RPGRIP1L: variants seen among roughly 807,000 people sequenced by gnomAD.
RPGRIP1L encodes the protein RPGRIP1 like, also known as protein fantom.
In RPGRIP1L, 131 loss-of-function variants were observed where a neutral mutation model predicts 160.4. The observed-to-expected ratio is 0.82, with a 90% CI of 0.71 to 0.94. RPGRIP1L has a LOEUF of 0.94. RPGRIP1L is among the 40% of genes least tolerant of loss of function. The probability of loss-of-function intolerance (pLI) is 0.00; values close to 1 mark genes in which losing one functional copy is unlikely to be tolerated. For missense variants in RPGRIP1L, 1,522 were observed against 1,535.8 expected (o/e 0.99, Z 0.15); for synonymous variants, 510 against 515.8 (o/e 0.99, Z 0.15).
intron 3 of RPGRIP1L, chr16:53,695,940 A>T: frequency 2.0e-6 from 1 of 510,542 alleles, no homozygotes; most frequent in Non-Finnish European, 3.5e-6. Flanking sequence ...TTTTCATTTA[A>T]ATAGCAAATT....
At chr16:53,665,072 G>C in intron 9 of RPGRIP1L, 63 bp from the exon 10 acceptor site, 1 of 1,600,212 alleles carries the variant, frequency 6.2e-7, no homozygotes, top group East Asian at 2.2e-5. Context: ...AAATAATAAA[G>C]AGAAAAGCTT....
At chr16:53,640,099 C>T (rs1966108451) in intron 19 of RPGRIP1L, among the ~76,000 whole-genome samples, 1 of 152,124 alleles carries the variant, frequency 6.6e-6, no homozygotes, top group Non-Finnish European at 1.5e-5. Flanking sequence ...GTACAGCTGA[C>T]ACCTTTTGTG....
chr16:53,653,422 A>G (rs1966965282), intron 14 of RPGRIP1L: 1 of 806,104 alleles, frequency 1.2e-6, no homozygotes, highest in Non-Finnish European at 1.5e-6. Context: ...GGTGATGGAT[A>G]AGTTTATTAT....
At chr16:53,683,570 G>A (rs151010729) in intron 6 of RPGRIP1L, among the ~76,000 whole-genome samples, 2,585 of 151,598 alleles carry the variant, frequency 0.017, 46 homozygotes, top group Middle Eastern at 0.058. Context: ...GGGATAATTC[G>A]AAAAATAAAT....
intron 22 of RPGRIP1L, among the ~76,000 whole-genome samples, chr16:53,622,631 G>C (rs781431434): frequency 1.3e-5 from 2 of 150,560 alleles, no homozygotes; most frequent in Admixed American, 1.3e-4. Flanking sequence ...CCTAAATATC[G>C]CCACAATTGG....
chr16:53,650,249 C>T (rs942565078), intron 15 of RPGRIP1L, among the ~76,000 whole-genome samples: 1 of 152,110 alleles, frequency 6.6e-6, no homozygotes, highest in Non-Finnish European at 1.5e-5. Context: ...TTGCTCGCTC[C>T]CACCCTCTAA....
At chr16:53,668,765 A>AAAGAT (rs1567860418) in intron 9 of RPGRIP1L, among the ~76,000 whole-genome samples, 1 of 152,218 alleles carries the variant, frequency 6.6e-6, no homozygotes, top group African/African-American at 2.4e-5. Flanking sequence ...GACCCAACAG[A>AAAGAT]AAGATATAAT....
chr16:53,688,934 T>C (rs1399673710), intron 4 of RPGRIP1L, among the ~76,000 whole-genome samples: 2 of 151,966 alleles, frequency 1.3e-5, no homozygotes, highest in Non-Finnish European at 2.9e-5. Flanking sequence ...ATTGTATTAT[T>C]TTGGCAGTAA....
At chr16:53,682,533 G>C (rs1370977638) in intron 6 of RPGRIP1L, among the ~76,000 whole-genome samples, 1 of 152,062 alleles carries the variant, frequency 6.6e-6, no homozygotes, top group Non-Finnish European at 1.5e-5. Flanking sequence ...CATCCCTTTG[G>C]AAAAGGGAAT....
chr16:53,669,470 AC>A (rs1051657982), intron 9 of RPGRIP1L, among the ~76,000 whole-genome samples: 1 of 151,432 alleles, frequency 6.6e-6, no homozygotes, highest in African/African-American at 2.4e-5. Context: ...AAAAAAAAAA[AC>A]CCTTCAAATT....
intron 11 of RPGRIP1L, 22 bp from the exon 12 acceptor site, chr16:53,658,486 C>G: frequency 6.4e-7 from 1 of 1,573,924 alleles, no homozygotes; most frequent in Non-Finnish European, 8.7e-7. Context: ...TAAGTAAAAG[C>G]TCACAATGAG....
intron 9 of RPGRIP1L, among the ~76,000 whole-genome samples, chr16:53,667,333 TCATCTG>T (rs1968352970): frequency 6.6e-6 from 1 of 152,306 alleles, no homozygotes; most frequent in African/African-American, 2.4e-5. Flanking sequence ...GCCAAAGAGT[TCATCTG>T]CTTCCTAAGA....
intron 26 of RPGRIP1L, among the ~76,000 whole-genome samples, chr16:53,602,885 T>A (rs1963457659): frequency 6.6e-6 from 1 of 152,220 alleles, no homozygotes; most frequent in South Asian, 2.1e-4. Context: ...TGTTACATGA[T>A]CATAGCTTGA....
At chr16:53,625,878 A>G (rs796723547) in intron 22 of RPGRIP1L, among the ~76,000 whole-genome samples, 1 of 152,178 alleles carries the variant, frequency 6.6e-6, no homozygotes, top group Middle Eastern at 3.4e-3. Flanking sequence ...GTGCTGTGTC[A>G]ACTCAGGGTT....
intron 23 of RPGRIP1L, among the ~76,000 whole-genome samples, 180 bp downstream of exon 23, chr16:53,622,022 CAAAAAAAAAAAAAAAAA>C (rs36057385): frequency 4.1e-5 from 1 of 24,134 alleles, no homozygotes; most frequent in Non-Finnish European, 7.8e-5. Context: ...GACTCCGTCT[CAAAAAAAAAAAAAAAAA>C]AAAAAAAAAG....
chr16:53,696,660 A>T (rs539814696), intron 2 of RPGRIP1L, among the ~76,000 whole-genome samples: 1 of 152,348 alleles, frequency 6.6e-6, no homozygotes, highest in Admixed American at 6.5e-5. Context: ...ATTTTTTTAC[A>T]AAGGCAAGAG....
intron 9 of RPGRIP1L, 138 bp from the exon 10 acceptor site, chr16:53,665,147 C>T: frequency 9.1e-7 from 1 of 1,094,506 alleles, no homozygotes; most frequent in Non-Finnish European, 1.3e-6. Flanking sequence ...TGGTCTGCTG[C>T]TGTTGAAACC....
At chr16:53,696,399 T>C in intron 2 of RPGRIP1L, 104 bp from the exon 3 acceptor site, 1 of 1,145,526 alleles carries the variant, frequency 8.7e-7, no homozygotes, top group Non-Finnish European at 1.3e-6. Context: ...GATTTTTTCC[T>C]TTGTGACCTA....
rs775616241 is a variant in RPGRIP1L, at chr16:53,649,006, C to A, written c.2262G>T (p.Gly754=). ...GCCCCTTAAAATTTGATGTTATATA[C>A]CCCAAAGCCTTTGCCCTTTCTCGAT... ...RLYRERAKAL[G]YITSNFKGPE... The change falls in exon 16 of 27, where the codon GGG becomes GGT. Residue 754 remains glycine (G), a synonymous_variant. Coordinates refer to ENST00000647211, the MANE Select transcript of RPGRIP1L (RefSeq NM_015272.5). 1.2e-6 allele frequency: 2 copies of A among 1,613,854 alleles called. No individual in the cohort carries two copies. The highest frequency in any genetic ancestry group is 1.3e-5 in the African/African-American group (1 of 74,926).
Sources: gnomAD v4.1 joint callset for allele counts (sites outside exome capture counted in the v4.1 genomes callset) on GRCh38, gnomAD v4.1.1 for gene constraint, MANE v1.5 for transcripts, NCBI Gene and HGNC (gene_info 2026-07-23, HGNC 2026-07-21) for gene names.